Variants in LHPP observed in about 807,000 individuals in gnomAD.
LHPP encodes hLHPP.
A neutral mutation model predicts 30.3 loss-of-function variants in LHPP; 24 were observed. The observed-to-expected ratio is 0.79, with a 90% CI of 0.57 to 1.11. LHPP has a LOEUF of 1.11. Ranked by LOEUF, LHPP falls within the 50% of genes most tolerant of loss-of-function variation. LHPP has a pLI of 0.00. For synonymous variants in LHPP, 150 were observed against 157.1 expected (o/e 0.95, Z 0.34); for missense variants, 356 against 367.2 (o/e 0.97, Z 0.25).
intron 1 of LHPP, among the ~76,000 whole-genome samples, chr10:124,476,630 A>G (rs1304559322): frequency 6.6e-6 from 1 of 152,110 alleles, no homozygotes; most frequent in African/African-American, 2.4e-5. Flanking sequence ...GGTGTGCTTC[A>G]TGGTGCAGGG....
chr10:124,574,513 G>T (rs1258282899), intron 6 of LHPP, among the ~76,000 whole-genome samples: 1 of 152,192 alleles, frequency 6.6e-6, no homozygotes, highest in Non-Finnish European at 1.5e-5. Flanking sequence ...ACCGGGGGCT[G>T]CAGAGCTTCA....
In LHPP at chr10:124,579,104, T is replaced by C. The variant is rs149434663; in HGVS notation, c.717-34160T>C. On this transcript the variant is annotated intron_variant, in intron 6 of 6. Transcript: ENST00000368842. Reference sequence around the variant, plus strand: ...GTCTTCCCGGTTACCAGCAAGCAGATACATGTTGTAACGGGCTGAGAGTGG... The same window carrying C: ...GTCTTCCCGGTTACCAGCAAGCAGACACATGTTGTAACGGGCTGAGAGTGG... Among the ~76,000 whole-genome samples, 661 of 152,342 alleles carry C rather than the reference T, an allele frequency of 4.3e-3. 4 individuals are homozygous for C. The highest frequency in any genetic ancestry group is 0.016 in the African/African-American group (645 of 41,586).
In LHPP at chr10:124,484,165, G is replaced by A. The variant is rs1953239759; in HGVS notation, c.152G>A (p.Arg51Lys). 5.6e-6 allele frequency: 9 copies of A among 1,613,956 alleles called. No homozygotes were observed. Among genetic ancestry groups the A allele is most frequent in the Non-Finnish European group, 7.6e-6 (9 of 1,180,020 alleles). The change falls in exon 2 of 7, where the codon AGG (arginine) becomes AAG (lysine). Residue 51 changes from arginine (R) to lysine (K), a missense_variant. Transcript: ENST00000368842. ...ARLKRSRLKVRFCTNESQKSR... is the reference protein window; with the variant it reads ...ARLKRSRLKVKFCTNESQKSR... ...CTGAAGCGTTCCCGGCTGAAGGTGA[G>A]GTTCTGCACCAACGAGTCGCAGAAG...
chr10:124,568,467 G>A (rs912174089), intron 6 of LHPP, among the ~76,000 whole-genome samples: 4 of 152,190 alleles, frequency 2.6e-5, no homozygotes, highest in South Asian at 2.1e-4. Flanking sequence ...GAAACCGCGC[G>A]ATGAGGCCCC....
intron 6 of LHPP, among the ~76,000 whole-genome samples, chr10:124,540,310 G>A (rs982895128): frequency 3.3e-5 from 5 of 152,228 alleles, no homozygotes; most frequent in Admixed American, 1.3e-4. Context: ...CCACACGGCT[G>A]TGGGTTCCCA....
chr10:124,563,684 A>C (rs1295196421), intron 6 of LHPP, among the ~76,000 whole-genome samples: 1 of 152,230 alleles, frequency 6.6e-6, no homozygotes, highest in Non-Finnish European at 1.5e-5. Context: ...TTACAACTGC[A>C]TGTGAATCTC....
intron 6 of LHPP, among the ~76,000 whole-genome samples, chr10:124,553,706 G>A (rs193027439): frequency 4.0e-3 from 608 of 152,234 alleles, no homozygotes; most frequent in African/African-American, 0.013. Flanking sequence ...TGATCCGCCC[G>A]CCTCGGCCTC....
chr10:124,535,712 G>C (rs965201262), intron 6 of LHPP, among the ~76,000 whole-genome samples: 1 of 152,246 alleles, frequency 6.6e-6, no homozygotes, highest in Non-Finnish European at 1.5e-5. Context: ...GCCTGGCCTA[G>C]TCTGGTGGGT....
intron 1 of LHPP, among the ~76,000 whole-genome samples, chr10:124,464,633 T>G (rs1952507218): frequency 6.6e-6 from 1 of 152,178 alleles, no homozygotes; most frequent in South Asian, 2.1e-4. Flanking sequence ...CAGTCACAGA[T>G]GAGAGCATTC....
chr10:124,520,660 G>T (rs186326329), intron 6 of LHPP, among the ~76,000 whole-genome samples: 2 of 152,204 alleles, frequency 1.3e-5, no homozygotes, highest in Non-Finnish European at 2.9e-5. Flanking sequence ...GGACCCAGTC[G>T]CTGGGGGAGG....
chr10:124,612,933 A>C, intron 6 of LHPP: 1 of 385,544 alleles, frequency 2.6e-6, no homozygotes, highest in South Asian at 2.6e-5. Flanking sequence ...GGGTACACTC[A>C]TGTCCCCACC....
At chr10:124,560,340 C>T (rs1948375404) in intron 6 of LHPP, among the ~76,000 whole-genome samples, 1 of 152,218 alleles carries the variant, frequency 6.6e-6, no homozygotes, top group African/African-American at 2.4e-5. Flanking sequence ...CCTCCACTCC[C>T]ATTTTTTTTG....
intron 5 of LHPP, among the ~76,000 whole-genome samples, chr10:124,507,501 G>C (rs1219524393): frequency 3.8e-4 from 2 of 5,242 alleles, no homozygotes; most frequent in Admixed American, 8.8e-4. Context: ...GATTTCAGGT[G>C]GGGGGATAGG....
chr10:124,516,872 G>T (rs1214781338), intron 5 of LHPP, among the ~76,000 whole-genome samples: 2 of 152,164 alleles, frequency 1.3e-5, no homozygotes, highest in African/African-American at 4.8e-5. Context: ...CTGTGTTCCA[G>T]CAGAGGCCAG....
At chr10:124,475,048 AG>A (rs920882893) in intron 1 of LHPP, among the ~76,000 whole-genome samples, 1 of 1,510 alleles carries the variant, frequency 6.6e-4, no homozygotes, top group African/African-American at 3.4e-3. Flanking sequence ...TTTGAAATGG[AG>A]TCTCGCTCTG....
chr10:124,507,876 G>T (rs1469817343), intron 5 of LHPP, among the ~76,000 whole-genome samples: 2 of 119,390 alleles, frequency 1.7e-5, no homozygotes, highest in Non-Finnish European at 1.8e-5. Context: ...AGGTGGGGGG[G>T]TAGGCAGGAT....
intron 1 of LHPP, among the ~76,000 whole-genome samples, chr10:124,474,727 T>C (rs976069538): frequency 1.4e-4 from 21 of 152,142 alleles, no homozygotes; most frequent in African/African-American, 4.8e-4. Context: ...GAGGATTCGA[T>C]GTGAACATGC....
chr10:124,529,681 A>T lies in LHPP; in HGVS notation c.716+12410A>T, dbSNP rs112337279. Among the ~76,000 whole-genome samples the T allele has an allele frequency of 8.9e-4, 135 of 152,198 alleles. 1 individual carries two copies. The highest frequency in any genetic ancestry group is 3.1e-3 in the African/African-American group (129 of 41,510). On this transcript the variant is annotated intron_variant, in intron 6 of 6. Coordinates refer to ENST00000368842, the MANE Select transcript of LHPP (RefSeq NM_022126.4). ...GCCACAGCCATCCGTGAGGGGGAGG[A>T]CGAGGGGCCACGCCCTGCACTCTGT...
At chr10:124,505,032 G>A (rs974250189) in intron 5 of LHPP, among the ~76,000 whole-genome samples, 4 of 152,068 alleles carry the variant, frequency 2.6e-5, no homozygotes, top group African/African-American at 7.2e-5. Context: ...TGGTGGCTCC[G>A]AGCATATGTG....
Sources: allele counts gnomAD v4.1 joint callset (sites outside exome capture counted in the v4.1 genomes callset), GRCh38; gene constraint gnomAD v4.1.1; transcripts MANE v1.5; gene names NCBI Gene and HGNC (gene_info 2026-07-23, HGNC 2026-07-21).